The following UBXN2A variants were observed in gnomAD, a reference collection of about 807,000 sequenced individuals.
UBXN2A encodes the protein UBX domain protein 2A, also known as UBX domain-containing protein 2A.
A neutral mutation model predicts 28.4 loss-of-function variants in UBXN2A; 28 were observed. The ratio of observed to expected loss-of-function variants is 0.99; its 90% confidence interval spans 0.73 to 1.35. UBXN2A has a LOEUF of 1.35. Ranked by LOEUF, UBXN2A falls within the 40% of genes most tolerant of loss-of-function variation. UBXN2A has a pLI of 0.00. For synonymous variants in UBXN2A, 97 were observed against 103.6 expected (o/e 0.94, Z 0.39); for missense variants, 253 against 297.9 (o/e 0.85, Z 1.11).
intron 6 of UBXN2A, among the ~76,000 whole-genome samples, chr2:23,998,968 A>G (rs1168751369): frequency 1.3e-5 from 2 of 152,098 alleles, no homozygotes. Context: ...GTTCTTTGAC[A>G]TAAGCTTTAA....
intron 4 of UBXN2A, among the ~76,000 whole-genome samples, chr2:23,977,990 C>A (rs1415194149): frequency 6.6e-6 from 1 of 152,044 alleles, no homozygotes; most frequent in Non-Finnish European, 1.5e-5. Flanking sequence ...TGCCACCATG[C>A]CCATCTAATT....
chr2:23,970,196 A>T (rs75083155), intron 2 of UBXN2A, among the ~76,000 whole-genome samples: 5,828 of 152,176 alleles, frequency 0.038, 108 homozygotes, highest in South Asian at 0.045. Context: ...AAGTGGGAAG[A>T]TTGGTTGAGC....
At chr2:23,947,315 C>G (rs1473414191) in intron 1 of UBXN2A, among the ~76,000 whole-genome samples, 1 of 152,138 alleles carries the variant, frequency 6.6e-6, no homozygotes, top group Non-Finnish European at 1.5e-5. Context: ...CATCACTGCA[C>G]TTTTTGGGAT....
At chr2:23,994,987 A>C (rs369125436) in intron 6 of UBXN2A, among the ~76,000 whole-genome samples, 4 of 152,210 alleles carry the variant, frequency 2.6e-5, no homozygotes, top group African/African-American at 4.8e-5. Flanking sequence ...GGCAGAGCTT[A>C]AACTCTAGAG....
intron 4 of UBXN2A, among the ~76,000 whole-genome samples, chr2:23,978,280 A>C (rs1280836673): frequency 2.6e-5 from 4 of 152,278 alleles, no homozygotes; most frequent in Admixed American, 6.5e-5. Flanking sequence ...AAAGTCTTTA[A>C]AATGGTCATG....
At chr2:23,985,298 G>C (rs1020453929) in intron 6 of UBXN2A, among the ~76,000 whole-genome samples, 1 of 151,982 alleles carries the variant, frequency 6.6e-6, no homozygotes, top group Admixed American at 6.6e-5. Context: ...GCCCAGGCTG[G>C]AGTGTAGTGG....
intron 1 of UBXN2A, among the ~76,000 whole-genome samples, chr2:23,944,574 C>CT (rs1410370865): frequency 6.6e-5 from 10 of 152,286 alleles, no homozygotes; most frequent in Admixed American, 6.5e-4. Context: ...CAAAAACTCC[C>CT]CTTTTTTTGC....
chr2:23,966,227 C>T (rs193267273), intron 2 of UBXN2A, among the ~76,000 whole-genome samples: 2 of 152,052 alleles, frequency 1.3e-5, no homozygotes, highest in East Asian at 1.9e-4. Flanking sequence ...CAACCTCCGC[C>T]TCCCAGGTTC....
rs1708712621 is a variant in UBXN2A at position 24,000,893 on chromosome 2, T to G, written c.*1026T>G. 1 of 152,246 alleles carries G rather than the reference T, an allele frequency of 6.6e-6. No homozygotes were observed. The highest frequency in any genetic ancestry group is 1.5e-5 in the Non-Finnish European group (1 of 68,038). 9.4% of individuals were successfully genotyped at this position (152,246 alleles called of 1,614,324 possible). ...ATTTGTTTTTGGCTAACATTTGGGA[T>G]TAGCCATTCATTTGCCACCACTCAC... On this transcript the variant is annotated 3_prime_UTR_variant, in exon 7 of 7. Transcript: ENST00000309033.
chr2:23,965,578 G>T (rs1707127953), intron 2 of UBXN2A, among the ~76,000 whole-genome samples: 2 of 152,166 alleles, frequency 1.3e-5, no homozygotes, highest in South Asian at 2.1e-4. Flanking sequence ...CTACACGGTT[G>T]TGGTGTTTAC....
chr2:23,949,120 T>C (rs954295378), intron 1 of UBXN2A, among the ~76,000 whole-genome samples: 1 of 147,596 alleles, frequency 6.8e-6, no homozygotes, highest in African/African-American at 2.5e-5. Context: ...TTTTTTCTTT[T>C]TTTTTTTTTT....
intron 2 of UBXN2A, among the ~76,000 whole-genome samples, chr2:23,966,330 G>T (rs1250435859): frequency 6.6e-6 from 1 of 151,942 alleles, no homozygotes; most frequent in African/African-American, 2.4e-5. Context: ...TAGAGACGGG[G>T]TTTCACCGTG....
At chr2:23,950,353 T>A (rs760602019) in intron 1 of UBXN2A, among the ~76,000 whole-genome samples, 19 of 152,152 alleles carry the variant, frequency 1.2e-4, no homozygotes, top group Non-Finnish European at 2.5e-4. Flanking sequence ...TTTGAGATAA[T>A]GAAGACCAGA....
At chr2:23,966,069 T>C (rs1707148954) in intron 2 of UBXN2A, among the ~76,000 whole-genome samples, 1 of 152,176 alleles carries the variant, frequency 6.6e-6, no homozygotes, top group Non-Finnish European at 1.5e-5. Flanking sequence ...AACAAACCCA[T>C]TACCACCTGT....
At chr2:23,942,918 C>A (rs904783657) in intron 1 of UBXN2A, among the ~76,000 whole-genome samples, 1 of 150,748 alleles carries the variant, frequency 6.6e-6, no homozygotes, top group African/African-American at 2.4e-5. Context: ...GGTTTACCTC[C>A]GTCAGAAAAA....
chr2:23,989,490 C>T (rs1361858626), intron 6 of UBXN2A, among the ~76,000 whole-genome samples: 6 of 151,616 alleles, frequency 4.0e-5, no homozygotes, highest in East Asian at 3.9e-4. Flanking sequence ...TGGACTCAAG[C>T]GATCCACCTG....
At position 23,941,497 on chromosome 2, in the gene UBXN2A, G is replaced by T. The variant is rs1222330278; in HGVS notation, c.-15+849G>T. ...CAAAAATGTGTAAAAAATGTGTGCAGGAGGGAGTGGTTAAGCACACTAATG... is the reference window on the plus strand; with the variant it reads ...CAAAAATGTGTAAAAAATGTGTGCATGAGGGAGTGGTTAAGCACACTAATG... On this transcript the variant is annotated intron_variant, in intron 1 of 6. Transcript: ENST00000309033. 2.0e-5 allele frequency among the ~76,000 whole-genome samples: 3 copies of T among 152,304 alleles called. No homozygotes were observed. In the East Asian group the frequency reaches 5.8e-4, roughly 29 times the overall value.
At chr2:23,970,790 T>C (rs1707380723) in intron 2 of UBXN2A, among the ~76,000 whole-genome samples, 1 of 151,320 alleles carries the variant, frequency 6.6e-6, no homozygotes, top group South Asian at 2.1e-4. Flanking sequence ...GGCATTAGAG[T>C]CTCATAAGGA....
At chr2:23,993,004 A>G (rs1390907239) in intron 6 of UBXN2A, among the ~76,000 whole-genome samples, 3 of 152,136 alleles carry the variant, frequency 2.0e-5, no homozygotes, top group African/African-American at 4.8e-5. Context: ...TTTAGCTACC[A>G]TCTACCTGGT....
Sources: gnomAD v4.1 joint callset for allele counts (sites outside exome capture counted in the v4.1 genomes callset) on GRCh38, gnomAD v4.1.1 for gene constraint, MANE v1.5 for transcripts, NCBI Gene and HGNC (gene_info 2026-07-23, HGNC 2026-07-21) for gene names.